The following MAP4K3 variants were observed in gnomAD, a reference collection of about 807,000 sequenced individuals.
MAP4K3 encodes mitogen-activated protein kinase kinase kinase kinase 3, also known as MAPK/ERK kinase kinase kinase 3.
In MAP4K3, 94 loss-of-function variants were observed where a neutral mutation model predicts 143.5. The ratio of observed to expected loss-of-function variants is 0.65; its 90% CI spans 0.55 to 0.78. The LOEUF is 0.78. Among genes scored for constraint, MAP4K3 ranks in the 30% least tolerant of loss-of-function variants. The probability of loss-of-function intolerance (pLI) is 0.00; values close to 1 mark genes in which losing one functional copy is unlikely to be tolerated. For synonymous variants in MAP4K3, 416 were observed against 347.2 expected (o/e 1.20, Z -2.20); for missense variants, 1,077 against 1,068.1 (o/e 1.01, Z -0.12).
intron 16 of MAP4K3, 88 bp downstream of exon 16, chr2:39,299,655 A>G: frequency 4.6e-6 from 3 of 649,644 alleles, no homozygotes; most frequent in Non-Finnish European, 7.2e-6. Context: ...GCCTAATACA[A>G]TTTTCTACCT....
intron 1 of MAP4K3, among the ~76,000 whole-genome samples, chr2:39,404,752 G>A (rs1425296335): frequency 6.6e-6 from 1 of 151,562 alleles, no homozygotes; most frequent in Non-Finnish European, 1.5e-5. Flanking sequence ...TTCCTGAGTA[G>A]CTGGGATTAT....
chr2:39,406,622 CA>C (rs1039852137), intron 1 of MAP4K3, among the ~76,000 whole-genome samples: 1 of 152,096 alleles, frequency 6.6e-6, no homozygotes. Flanking sequence ...ATAGTATATT[CA>C]GCAAAAATAT....
chr2:39,352,901 A>T (rs1665499565), intron 3 of MAP4K3, among the ~76,000 whole-genome samples: 1 of 151,844 alleles, frequency 6.6e-6, no homozygotes, highest in South Asian at 2.1e-4. Context: ...ACAGGTTGTA[A>T]TAGCAACAAC....
chr2:39,373,236 G>A (rs1184120810), intron 2 of MAP4K3, among the ~76,000 whole-genome samples: 1 of 152,180 alleles, frequency 6.6e-6, no homozygotes, highest in Non-Finnish European at 1.5e-5. Flanking sequence ...ACTATACCAT[G>A]AGATATTATC....
At chr2:39,315,945 C>A (rs1295493507) in intron 12 of MAP4K3, among the ~76,000 whole-genome samples, 1 of 152,066 alleles carries the variant, frequency 6.6e-6, no homozygotes, top group African/African-American at 2.4e-5. Context: ...GTTTGTGTTT[C>A]ACTTTTGGCA....
intron 1 of MAP4K3, among the ~76,000 whole-genome samples, chr2:39,432,539 A>G (rs968829308): frequency 3.9e-5 from 6 of 152,192 alleles, no homozygotes; most frequent in African/African-American, 1.4e-4. Context: ...ATAACTCCAA[A>G]TAACAATGTT....
At chr2:39,279,743 T>C (rs1341978528) in intron 23 of MAP4K3, among the ~76,000 whole-genome samples, 3 of 152,080 alleles carry the variant, frequency 2.0e-5, no homozygotes, top group Non-Finnish European at 4.4e-5. Flanking sequence ...AGCCCAGGAC[T>C]TCGAGACCAG....
intron 15 of MAP4K3, among the ~76,000 whole-genome samples, chr2:39,305,948 C>A (rs919267924): frequency 2.0e-5 from 3 of 152,032 alleles, no homozygotes; most frequent in Admixed American, 1.3e-4. Context: ...CCTGCCTCAG[C>A]CTCCTGAGTA....
At chr2:39,370,557 T>G (rs749079154) in intron 2 of MAP4K3, among the ~76,000 whole-genome samples, 2 of 152,114 alleles carry the variant, frequency 1.3e-5, no homozygotes, top group Non-Finnish European at 2.9e-5. Context: ...ACTTTGGAGG[T>G]CCATGAAAAA....
At chr2:39,342,253 C>T (rs888355351) in intron 4 of MAP4K3, among the ~76,000 whole-genome samples, 10 of 152,002 alleles carry the variant, frequency 6.6e-5, no homozygotes, top group Admixed American at 6.6e-4. Flanking sequence ...ATTCTCCCGC[C>T]GCAGCCTTTG....
Position 39,378,107 on chromosome 2 carries a change from G to A in MAP4K3, c.113C>T (p.Thr38Ile), listed in dbSNP as rs1400017645. The A allele has an allele frequency of 1.9e-6, 3 of 1,587,886 alleles. No homozygotes were observed. The highest frequency in any genetic ancestry group is 1.4e-5 in the African/African-American group (1 of 73,708). Residue 38 changes from threonine (T) to isoleucine (I), a missense_variant, in exon 2 of 34, where the codon ACT becomes ATT. Thr to Ile is a moderately conservative substitution (Grantham distance 89). Coordinates refer to ENST00000263881, the MANE Select transcript of MAP4K3 (RefSeq NM_003618.4). ...GDVYKARNVN[T>I]GELAAIKVIK... ...TACTTTAATTGCTGCTAATTCACCA[G>A]TGTTAACATTCCGTGCCTAAAAGAA...
chr2:39,415,467 G>A (rs977376176), intron 1 of MAP4K3, among the ~76,000 whole-genome samples: 1 of 152,060 alleles, frequency 6.6e-6, no homozygotes, highest in Non-Finnish European at 1.5e-5. Flanking sequence ...GTGGGAAAAA[G>A]GAGACAGTCA....
chr2:39,272,376 TG>T lies in MAP4K3; in HGVS notation c.1879del (p.His627IlefsTer52). On this transcript the variant is annotated frameshift_variant, in exon 26 of 34. Transcript: ENST00000263881. LOFTEE classifies it high-confidence loss of function. ...ISGKASQLYS[H>X]NLPGLFDYAR... is the part of the protein sequence containing the mutation. The stretch of plus-strand genomic sequence containing the variant: ...ATAATCAAAAAGCCCTGGTAAATTA[TG>T]GGAATAAAGCTGAGAAGCTTTACCT... 2 of 1,613,668 alleles carry T rather than the reference TG, an allele frequency of 1.2e-6. No homozygotes were observed. The highest frequency in any genetic ancestry group is 1.7e-6 in the Non-Finnish European group (2 of 1,179,776).
intron 15 of MAP4K3, among the ~76,000 whole-genome samples, chr2:39,301,553 A>C (rs1041223747): frequency 1.2e-4 from 18 of 152,326 alleles, no homozygotes; most frequent in African/African-American, 4.3e-4. Context: ...TTAAGCCTTT[A>C]ATCAAATGAC....
chr2:39,431,759 C>A (rs985039774), intron 1 of MAP4K3, among the ~76,000 whole-genome samples: 1 of 152,196 alleles, frequency 6.6e-6, no homozygotes. Flanking sequence ...CAGCAATTAA[C>A]AATGACCACA....
At chr2:39,363,154 A>G (rs1294635251) in intron 2 of MAP4K3, among the ~76,000 whole-genome samples, 1 of 152,248 alleles carries the variant, frequency 6.6e-6, no homozygotes, top group Non-Finnish European at 1.5e-5. Context: ...AGTCTTGGCA[A>G]TTATTACTTG....
intron 8 of MAP4K3, among the ~76,000 whole-genome samples, chr2:39,331,497 G>C (rs2148521227): frequency 6.6e-6 from 1 of 152,178 alleles, no homozygotes; most frequent in African/African-American, 2.4e-5. Flanking sequence ...TGATCCTATA[G>C]GCAACCAAGA....
At chr2:39,391,322 G>GCAC (rs1199265143) in intron 1 of MAP4K3, among the ~76,000 whole-genome samples, 5 of 115,352 alleles carry the variant, frequency 4.3e-5, no homozygotes, top group Non-Finnish European at 8.1e-5. Context: ...TTGTGCCACT[G>GCAC]CACTCTGGCC....
intron 13 of MAP4K3, among the ~76,000 whole-genome samples, chr2:39,313,033 T>C (rs1016754344): frequency 6.6e-6 from 1 of 152,192 alleles, no homozygotes; most frequent in African/African-American, 2.4e-5. Flanking sequence ...AGAATGCATT[T>C]CCAGAAAGGG....
Sources: allele counts gnomAD v4.1 joint callset (sites outside exome capture counted in the v4.1 genomes callset), GRCh38; gene constraint gnomAD v4.1.1; transcripts MANE v1.5; gene names NCBI Gene and HGNC (gene_info 2026-07-23, HGNC 2026-07-21).